SPATA18: variants seen among roughly 807,000 people sequenced by gnomAD.
The protein encoded by SPATA18 is spermatogenesis associated 18, also known as mitochondria-eating protein.
SPATA18 carries 54 observed loss-of-function variants against 68.1 expected under a neutral mutation model. That is an observed-to-expected ratio of 0.79 (90% CI 0.64 to 0.99). SPATA18 has a LOEUF of 0.99. Among genes scored for constraint, SPATA18 ranks in the 50% least tolerant of loss-of-function variants. The probability of loss-of-function intolerance (pLI) is 0.00; values close to 1 mark genes in which losing one functional copy is unlikely to be tolerated. For missense variants in SPATA18, 724 were observed against 681.1 expected, an observed-to-expected ratio of 1.06 and a Z score of -0.70; for synonymous variants, 242 against 244.8, an observed-to-expected ratio of 0.99 and a Z score of 0.11.
intron 6 of SPATA18, among the ~76,000 whole-genome samples, chr4:52,073,043 C>T (rs954709575): frequency 1.3e-5 from 2 of 152,140 alleles, no homozygotes; most frequent in African/African-American, 4.8e-5. Context: ...CCTCAAGCCC[C>T]TAATGTGTTC....
At chr4:52,088,213 GCAAA>G (rs1267973905) in intron 11 of SPATA18, among the ~76,000 whole-genome samples, 5 of 152,160 alleles carry the variant, frequency 3.3e-5, no homozygotes. Flanking sequence ...CATGTCATCT[GCAAA>G]CAGAGACAAT....
At chr4:52,063,480 T>C (rs1028667191) in intron 4 of SPATA18, among the ~76,000 whole-genome samples, 1 of 152,222 alleles carries the variant, frequency 6.6e-6, no homozygotes, top group Non-Finnish European at 1.5e-5. Context: ...GCAGTCAAAA[T>C]TTATAAATGT....
In SPATA18 at chr4:52,078,887, TG is replaced by T; in HGVS notation, c.1174del (p.Val392SerfsTer4). The T allele has an allele frequency of 6.3e-7, 1 of 1,578,092 alleles. No individual in the cohort carries two copies. Among genetic ancestry groups the T allele is most frequent in the Non-Finnish European group, 8.7e-7 (1 of 1,152,076 alleles). Reference protein sequence around the residue: ...HLDLYDSQSSVNDVIRAMNVN... With the variant: ...HLDLYDSQSSXNDVIRAMNVN... Reference sequence around the variant, plus strand: ...TTGATCTATATGATTCTCAAAGCAGTGTCAATGTAAGTGTTGAGTCTTTTAT... The same window carrying T: ...TTGATCTATATGATTCTCAAAGCAGTTCAATGTAAGTGTTGAGTCTTTTAT... On this transcript the variant is annotated frameshift_variant, in exon 8 of 13. Coordinates refer to ENST00000295213, the MANE Select transcript of SPATA18 (RefSeq NM_145263.4). LOFTEE classifies it high-confidence loss of function.
At chr4:52,079,620 C>T in intron 8 of SPATA18, 124 bp from the exon 9 acceptor site, 1 of 1,103,184 alleles carries the variant, frequency 9.1e-7, no homozygotes, top group Non-Finnish European at 1.3e-6. Flanking sequence ...CACTGTTTTT[C>T]TGCTTTAACT....
chr4:52,091,130 GCC>G (rs995660391), intron 11 of SPATA18, among the ~76,000 whole-genome samples: 28 of 151,872 alleles, frequency 1.8e-4, no homozygotes, highest in African/African-American at 6.5e-4. Context: ...GCTGTGTTCA[GCC>G]CCATCAGGTC....
chr4:52,092,291 A>G (rs11133344), intron 11 of SPATA18, among the ~76,000 whole-genome samples: 128,768 of 151,844 alleles, frequency 0.85, 58,464 homozygotes, highest in East Asian at 1. Flanking sequence ...AGCTAGTTTG[A>G]TGTCTGCCCA....
rs774532180 is a variant in SPATA18 at position 52,082,515 on chromosome 4, G to A, written c.1479+5G>A. On this transcript the variant is annotated splice_donor_5th_base_variant and intron_variant, in intron 10 of 12. Transcript: ENST00000295213. ...GTCACCAGGAGAGGGGCTTTTGTAC[G>A]GTGGCCTTGCATAGTGACAATTCAT... 13 of 1,613,864 alleles carry A rather than the reference G, an allele frequency of 8.1e-6. No homozygotes were observed. The highest frequency in any genetic ancestry group is 2.7e-5 in the African/African-American group (2 of 74,886).
chr4:52,092,671 TC>T (rs1197077716), intron 11 of SPATA18, among the ~76,000 whole-genome samples: 1 of 152,138 alleles, frequency 6.6e-6, no homozygotes, highest in African/African-American at 2.4e-5. Context: ...TTGAATCTAC[TC>T]CCCCTTACGG....
intron 5 of SPATA18, among the ~76,000 whole-genome samples, chr4:52,071,630 A>G (rs560263704): frequency 1.1e-3 from 161 of 152,284 alleles, no homozygotes; most frequent in African/African-American, 3.5e-3. Flanking sequence ...CAGTATGACT[A>G]TGGGTCCAGT....
At chr4:52,086,520 G>A (rs192129575) in intron 11 of SPATA18, among the ~76,000 whole-genome samples, 59 of 152,208 alleles carry the variant, frequency 3.9e-4, no homozygotes, top group African/African-American at 1.3e-3. Context: ...GTGGTGTTTG[G>A]TTTTCTGATC....
At chr4:52,089,285 T>G (rs1741730320) in intron 11 of SPATA18, among the ~76,000 whole-genome samples, 1 of 152,210 alleles carries the variant, frequency 6.6e-6, no homozygotes, top group Non-Finnish European at 1.5e-5. Context: ...TCTATCTCCT[T>G]CAGTTCTACT....
At position 52,060,424 on chromosome 4, in the gene SPATA18, C is replaced by T; in HGVS notation, c.93C>T (p.Asn31=). The T allele has an allele frequency of 6.2e-7, 1 of 1,613,824 alleles. No individual in the cohort carries two copies. The highest frequency in any genetic ancestry group is 8.5e-7 in the Non-Finnish European group (1 of 1,179,852). Residue 31 remains asparagine (N), a synonymous_variant, in exon 2 of 13, where the codon AAC becomes AAT. Transcript: ENST00000295213. ...CTACTGTTTTGCCCTTGCAGACAAA[C>T]ACGTGTGATCAAAATCTAAACCATT... ...LDFWLKEYNT[N]TCDQNLNHCL...
intron 11 of SPATA18, among the ~76,000 whole-genome samples, chr4:52,091,061 T>G (rs1741897102): frequency 6.6e-6 from 1 of 151,944 alleles, no homozygotes; most frequent in African/African-American, 2.4e-5. Context: ...ACTGATATCC[T>G]TTCTTCTGCT....
chr4:52,080,209 G>C lies in SPATA18; in HGVS notation c.1355+290G>C, dbSNP rs185847049. On this transcript the variant is annotated intron_variant, in intron 9 of 12. Transcript: ENST00000295213. ...TACAAATGTGCATTACTTTCTATTG[G>C]TTTTTATTGCATTACTCAGGCCAGG... Among the ~76,000 whole-genome samples, 27 of 152,226 alleles carry C rather than the reference G, an allele frequency of 1.8e-4. No individual in the cohort carries two copies. The East Asian group carries it at 4.4e-3, about 25-fold the overall frequency.
intron 7 of SPATA18, 148 bp downstream of exon 7, chr4:52,077,188 TCTTTCTTCCTCCTTCC>T (rs892158456): frequency 1.9e-5 from 16 of 846,454 alleles, no homozygotes; most frequent in Non-Finnish European, 2.6e-5. Flanking sequence ...TCCTTCCTTC[TCTTTCTTCCTCCTTCC>T]CTTTCTTCCT....
chr4:52,087,722 C>A (rs1246504775), intron 11 of SPATA18, among the ~76,000 whole-genome samples: 14 of 152,070 alleles, frequency 9.2e-5, no homozygotes, highest in Non-Finnish European at 1.5e-5. Context: ...TAGCTTTGTT[C>A]TTCTTGCCCA....
At chr4:52,086,812 C>G (rs1578199227) in intron 11 of SPATA18, among the ~76,000 whole-genome samples, 1 of 152,136 alleles carries the variant, frequency 6.6e-6, no homozygotes, top group Non-Finnish European at 1.5e-5. Flanking sequence ...AATGGTATTT[C>G]CAGTTCTAGA....
intron 4 of SPATA18, among the ~76,000 whole-genome samples, chr4:52,063,795 A>G (rs969395000): frequency 6.6e-6 from 1 of 152,014 alleles, no homozygotes; most frequent in Non-Finnish European, 1.5e-5. Context: ...AATTTCATGT[A>G]GGCACTAGTG....
At chr4:52,088,857 G>A (rs1741684110) in intron 11 of SPATA18, among the ~76,000 whole-genome samples, 3 of 152,142 alleles carry the variant, frequency 2.0e-5, no homozygotes, top group African/African-American at 7.2e-5. Context: ...AGAACGAATG[G>A]TACCATTTCC....
Sources: gnomAD v4.1 joint callset for allele counts (sites outside exome capture counted in the v4.1 genomes callset) on GRCh38, gnomAD v4.1.1 for gene constraint, MANE v1.5 for transcripts, NCBI Gene and HGNC (gene_info 2026-07-23, HGNC 2026-07-21) for gene names.